Variants in DLG2 observed in about 807,000 individuals in gnomAD.
The protein encoded by DLG2 is discs large MAGUK scaffold protein 2.
DLG2 carries 45 observed loss-of-function variants against 132.5 expected under a neutral mutation model. The ratio of observed to expected loss-of-function variants is 0.34; its 90% CI spans 0.27 to 0.44. The LOEUF is 0.44. Ranked by LOEUF, DLG2 falls within the 20% of genes least tolerant of loss-of-function variation. The pLI, the probability that DLG2 is intolerant of heterozygous loss-of-function variation, is 1.00. For missense variants in DLG2, 1,045 were observed against 1,196.9 expected, an observed-to-expected ratio of 0.87 and a Z score of 1.87; for synonymous variants, 424 against 419.6, an observed-to-expected ratio of 1.01 and a Z score of -0.13.
intron 19 of DLG2, chr11:83,631,795 G>A (rs1271226614): frequency 6.6e-6 from 1 of 152,026 alleles, no homozygotes; most frequent in Admixed American, 6.6e-5. Context: ...AACTGATTTA[G>A]TTCTATCCTA....
At chr11:85,451,925 C>G (rs2092261145) in intron 3 of DLG2, among the ~76,000 whole-genome samples, 2 of 152,060 alleles carry the variant, frequency 1.3e-5, no homozygotes, top group Non-Finnish European at 2.9e-5. Flanking sequence ...CTTTTATATT[C>G]TATAAACTCA....
At position 85,026,932 on chromosome 11, in the gene DLG2, CTA is replaced by C. The variant is rs1469679437; in HGVS notation, c.357+84727_357+84728del. Among the ~76,000 whole-genome samples, 3 of 152,014 alleles carry C rather than the reference CTA, an allele frequency of 2.0e-5. 1 individual carries two copies. The highest frequency in any genetic ancestry group is 2.0e-4 in the Admixed American group (3 of 15,264). On this transcript the variant is annotated intron_variant, in intron 6 of 27. Transcript: ENST00000376104. ...AAATTTGTTTTACTGAAATATTTGC[CTA>C]TGAGTACAGAGCTGTAAGTCTAAGG...
At chr11:85,458,742 A>C (rs777642757) in intron 3 of DLG2, among the ~76,000 whole-genome samples, 1 of 152,354 alleles carries the variant, frequency 6.6e-6, no homozygotes, top group South Asian at 2.1e-4. Flanking sequence ...ACTTACACAT[A>C]GTGGCCTGTA....
At chr11:85,553,649 G>A (rs527496585) in intron 3 of DLG2, among the ~76,000 whole-genome samples, 10 of 151,534 alleles carry the variant, frequency 6.6e-5, no homozygotes, top group African/African-American at 2.4e-4. Context: ...AAAATGAAAT[G>A]TTAATAATCA....
chr11:83,917,573 G>A (rs1361890303), intron 15 of DLG2, among the ~76,000 whole-genome samples: 1 of 152,166 alleles, frequency 6.6e-6, no homozygotes, highest in African/African-American at 2.4e-5. Flanking sequence ...GGGAAACTAT[G>A]TGCATCACCA....
At chr11:83,599,558 G>A (rs962904572) in intron 19 of DLG2, among the ~76,000 whole-genome samples, 1 of 152,120 alleles carries the variant, frequency 6.6e-6, no homozygotes, top group African/African-American at 2.4e-5. Flanking sequence ...CCCTGACTAG[G>A]AGTGACCACT....
intron 3 of DLG2, among the ~76,000 whole-genome samples, chr11:85,331,774 A>G (rs145283506): frequency 2.2e-4 from 34 of 152,240 alleles, no homozygotes; most frequent in African/African-American, 7.9e-4. Flanking sequence ...CCAGCTGCAT[A>G]CCAGTTGCTG....
chr11:84,084,190 C>G (rs1181895685), intron 10 of DLG2, among the ~76,000 whole-genome samples: 1 of 152,182 alleles, frequency 6.6e-6, no homozygotes, highest in Non-Finnish European at 1.5e-5. Context: ...TAGGCATGCA[C>G]TCAGGGCTCT....
At chr11:84,161,735 T>C (rs1339416507) in intron 9 of DLG2, among the ~76,000 whole-genome samples, 3 of 152,184 alleles carry the variant, frequency 2.0e-5, no homozygotes, top group South Asian at 2.1e-4. Flanking sequence ...ATGAGACCTG[T>C]TCAGTTGCAT....
chr11:84,677,556 A>G (rs2099716378), intron 6 of DLG2, among the ~76,000 whole-genome samples: 1 of 152,042 alleles, frequency 6.6e-6, no homozygotes, highest in Non-Finnish European at 1.5e-5. Flanking sequence ...CTTGACACAG[A>G]TCATATTTTT....
chr11:83,680,869 TAA>T (rs2078662170), intron 18 of DLG2, among the ~76,000 whole-genome samples: 1 of 142,174 alleles, frequency 7.0e-6, no homozygotes, highest in East Asian at 2.0e-4. Context: ...ATGAGTAAGC[TAA>T]GTCTTTGGTG....
At chr11:84,340,447 G>A (rs1450568591) in intron 7 of DLG2, among the ~76,000 whole-genome samples, 2 of 152,172 alleles carry the variant, frequency 1.3e-5, no homozygotes, top group African/African-American at 4.8e-5. Flanking sequence ...ATACAGAGAT[G>A]TAAGAGGTCA....
At chr11:83,724,122 A>C (rs1323169624) in intron 18 of DLG2, among the ~76,000 whole-genome samples, 1 of 152,154 alleles carries the variant, frequency 6.6e-6, no homozygotes, top group African/African-American at 2.4e-5. Context: ...AGCTTTCCAT[A>C]TACTACTACT....
At chr11:85,225,592 C>T (rs979571542) in intron 4 of DLG2, among the ~76,000 whole-genome samples, 2 of 151,962 alleles carry the variant, frequency 1.3e-5, no homozygotes, top group Non-Finnish European at 2.9e-5. Context: ...TACTTTATTT[C>T]TTTCTCTCCA....
chr11:84,828,568 C>T (rs1024477983), intron 6 of DLG2, among the ~76,000 whole-genome samples: 1 of 151,742 alleles, frequency 6.6e-6, no homozygotes, highest in Non-Finnish European at 1.5e-5. Flanking sequence ...TCTCTTGTTA[C>T]CACCTATACT....
At chr11:84,303,571 A>G (rs984610791) in intron 7 of DLG2, among the ~76,000 whole-genome samples, 10 of 152,330 alleles carry the variant, frequency 6.6e-5, no homozygotes, top group Admixed American at 1.3e-4. Context: ...TTAAACTATG[A>G]TACTGTGTAA....
intron 8 of DLG2, among the ~76,000 whole-genome samples, chr11:84,231,479 T>C (rs2097092786): frequency 6.6e-6 from 1 of 152,146 alleles, no homozygotes. Context: ...TTGAAGTAGA[T>C]ACTGAAGGAC....
At chr11:83,830,736 C>T (rs1230415882) in intron 17 of DLG2, among the ~76,000 whole-genome samples, 1 of 152,208 alleles carries the variant, frequency 6.6e-6, no homozygotes, top group Non-Finnish European at 1.5e-5. Flanking sequence ...TAGTCAGTAG[C>T]TGTGGAGACA....
At chr11:84,791,804 A>G (rs2073886876) in intron 6 of DLG2, among the ~76,000 whole-genome samples, 1 of 152,078 alleles carries the variant, frequency 6.6e-6, no homozygotes, top group Middle Eastern at 3.2e-3. Flanking sequence ...AATTTTATTG[A>G]ATTTATCAGT....
Sources: allele counts gnomAD v4.1 joint callset (sites outside exome capture counted in the v4.1 genomes callset), GRCh38; gene constraint gnomAD v4.1.1; transcripts MANE v1.5; gene names NCBI Gene and HGNC (gene_info 2026-07-23, HGNC 2026-07-21).